The following SORCS3 variants were observed in gnomAD, a reference collection of about 807,000 sequenced individuals.
The protein encoded by SORCS3 is VPS10 domain-containing receptor SorCS3.
A neutral mutation model predicts 146.3 loss-of-function variants in SORCS3; 57 were observed. The ratio of observed to expected loss-of-function variants is 0.39; its 90% CI spans 0.31 to 0.49. The LOEUF is 0.49. Among genes scored for constraint, SORCS3 ranks in the 20% least tolerant of loss-of-function variants. SORCS3 has a pLI of 0.92. For synonymous variants in SORCS3, 653 were observed against 618.5 expected (o/e 1.06, Z -0.83); for missense variants, 1,341 against 1,575.5 (o/e 0.85, Z 2.52).
chr10:105,148,656 A>T (rs1305118846), intron 9 of SORCS3, among the ~76,000 whole-genome samples: 3 of 152,012 alleles, frequency 2.0e-5, no homozygotes, highest in Admixed American at 2.0e-4. Context: ...ACAGAAAGAG[A>T]TACGTTGTCT....
rs1405048206 is a variant in SORCS3, at chr10:104,641,673, G to T, written c.346G>T (p.Gly116Cys). 4 of 1,527,094 alleles carry T rather than the reference G, an allele frequency of 2.6e-6. No individual in the cohort carries two copies. Among genetic ancestry groups the T allele is most frequent in the Non-Finnish European group, 3.5e-6 (4 of 1,141,166 alleles). 94.6% of individuals were successfully genotyped at this position (1,527,094 alleles called of 1,614,324 possible). ...GACATCACCGGCAGGCGAGCGGCGG[G>T]GCCGGGGCATCCCAGCTCCTGCCAA... ...GGTSPAGERR[G>C]RGIPAPAKLG... The change falls in exon 1 of 27, where the codon GGC (glycine) becomes TGC (cysteine). Residue 116 changes from glycine (G) to cysteine (C), a missense_variant. Coordinates refer to ENST00000369701, the MANE Select transcript of SORCS3 (RefSeq NM_014978.3). The surrounding 1 kb of genome is among the most constrained non-coding windows in gnomAD (Gnocchi z 6.4).
At chr10:104,935,339 G>C (rs1589556013) in intron 3 of SORCS3, among the ~76,000 whole-genome samples, 1 of 152,316 alleles carries the variant, frequency 6.6e-6, no homozygotes, top group East Asian at 1.9e-4. Flanking sequence ...TTTGGAGTCT[G>C]TTTCATTAGA....
chr10:104,846,829 G>A (rs1350310620), intron 2 of SORCS3, among the ~76,000 whole-genome samples: 1 of 152,152 alleles, frequency 6.6e-6, no homozygotes, highest in African/African-American at 2.4e-5. Flanking sequence ...AGTTCATGAG[G>A]TTGGGGACTG....
At chr10:104,780,245 G>A (rs958555471) in intron 1 of SORCS3, among the ~76,000 whole-genome samples, 2 of 151,860 alleles carry the variant, frequency 1.3e-5, no homozygotes, top group African/African-American at 2.4e-5. Context: ...CACGTTCAGC[G>A]GCATCTGTGA....
chr10:104,702,467 C>T (rs1274227925), intron 1 of SORCS3, among the ~76,000 whole-genome samples: 1 of 151,994 alleles, frequency 6.6e-6, no homozygotes, highest in Non-Finnish European at 1.5e-5. Context: ...TTTATGTTTT[C>T]AGTAGAGATG....
At chr10:104,741,700 G>GTTTTTTTTTTTTT in intron 1 of SORCS3, among the ~76,000 whole-genome samples, 2 of 3,266 alleles carry the variant, frequency 6.1e-4, no homozygotes, top group Non-Finnish European at 1.1e-3. Flanking sequence ...TCCATTCTGG[G>GTTTTTTTTTTTTT]TTTTTTTTTT....
chr10:105,063,358 T>G (rs960235141), intron 5 of SORCS3, among the ~76,000 whole-genome samples: 1 of 152,194 alleles, frequency 6.6e-6, no homozygotes, highest in African/African-American at 2.4e-5. Context: ...ATAAGGAAAC[T>G]GAGCCCCAGG....
At chr10:104,821,064 C>G (rs113675013) in intron 1 of SORCS3, among the ~76,000 whole-genome samples, 2,674 of 152,292 alleles carry the variant, frequency 0.018, 94 homozygotes, top group African/African-American at 0.058. Context: ...ATGATGTCGT[C>G]AAAGACTTAG....
At chr10:104,742,716 A>C (rs1366689873) in intron 1 of SORCS3, among the ~76,000 whole-genome samples, 1 of 152,232 alleles carries the variant, frequency 6.6e-6, no homozygotes, top group Non-Finnish European at 1.5e-5. Flanking sequence ...AAGGGCAAAC[A>C]TCTTGACAAC....
At chr10:104,844,028 G>T (rs766327579) in intron 2 of SORCS3, among the ~76,000 whole-genome samples, 3 of 152,190 alleles carry the variant, frequency 2.0e-5, no homozygotes, top group Non-Finnish European at 4.4e-5. Context: ...TGTTTGCAGA[G>T]AACTAGGCAG....
chr10:104,731,960 G>T (rs1261942959), intron 1 of SORCS3, among the ~76,000 whole-genome samples: 2 of 152,156 alleles, frequency 1.3e-5, no homozygotes, highest in African/African-American at 2.4e-5. Context: ...CCAGTAACTT[G>T]GGAACATTTG....
chr10:105,038,730 T>C (rs2055320948), intron 4 of SORCS3, among the ~76,000 whole-genome samples: 1 of 152,178 alleles, frequency 6.6e-6, no homozygotes, highest in African/African-American at 2.4e-5. Flanking sequence ...GTTTTTGTAA[T>C]ACTTTAACAT....
intron 1 of SORCS3, among the ~76,000 whole-genome samples, chr10:104,666,764 C>T (rs571708021): frequency 4.6e-5 from 7 of 152,088 alleles, no homozygotes; most frequent in African/African-American, 1.2e-4. Context: ...TGCCTCCATA[C>T]CCAACTATTT....
chr10:105,155,082 C>T (rs1210990910), intron 9 of SORCS3, among the ~76,000 whole-genome samples: 2 of 152,190 alleles, frequency 1.3e-5, no homozygotes, highest in East Asian at 1.9e-4. Context: ...GGAGTCTGTC[C>T]TTTCTACATC....
chr10:105,254,522 G>C (rs1280732854), intron 23 of SORCS3, among the ~76,000 whole-genome samples: 1 of 152,158 alleles, frequency 6.6e-6, no homozygotes, highest in Non-Finnish European at 1.5e-5. Context: ...TAGGAGAATG[G>C]TTCTAGGACT....
At chr10:105,162,544 T>C (rs1297871644) in intron 11 of SORCS3, among the ~76,000 whole-genome samples, 1 of 152,202 alleles carries the variant, frequency 6.6e-6, no homozygotes, top group Non-Finnish European at 1.5e-5. Flanking sequence ...TCCTCCTGGG[T>C]ACATCTTTTC....
At chr10:105,055,191 A>G (rs946304585) in intron 5 of SORCS3, among the ~76,000 whole-genome samples, 3 of 152,170 alleles carry the variant, frequency 2.0e-5, no homozygotes. Flanking sequence ...TGCTATTGTA[A>G]GTAAAGACAT....
At chr10:104,663,828 TTTC>T (rs1387872277) in intron 1 of SORCS3, among the ~76,000 whole-genome samples, 9 of 152,162 alleles carry the variant, frequency 5.9e-5, no homozygotes, top group Non-Finnish European at 1.3e-4. Flanking sequence ...CCCACTCCTC[TTTC>T]TTCTTTTATT....
intron 3 of SORCS3, among the ~76,000 whole-genome samples, chr10:104,960,378 T>C (rs1369005284): frequency 6.6e-6 from 1 of 152,152 alleles, no homozygotes; most frequent in Non-Finnish European, 1.5e-5. Context: ...AACTGGGCTA[T>C]TTATAAGAAA....
Sources: allele counts gnomAD v4.1 joint callset (sites outside exome capture counted in the v4.1 genomes callset), GRCh38; gene constraint gnomAD v4.1.1; non-coding constraint Gnocchi (gnomAD v3.1); transcripts MANE v1.5; gene names NCBI Gene and HGNC (gene_info 2026-07-23, HGNC 2026-07-21).